The following IL20RB variants were observed in gnomAD, a reference collection of about 807,000 sequenced individuals.
IL20RB encodes the protein interleukin-20 receptor subunit beta.
A neutral mutation model predicts 33.3 loss-of-function variants in IL20RB; 21 were observed. The observed-to-expected ratio is 0.63, with a 90% confidence interval of 0.45 to 0.91. The LOEUF is 0.91. Among genes scored for constraint, IL20RB ranks in the 40% least tolerant of loss-of-function variants. IL20RB has a pLI of 0.00. For synonymous variants in IL20RB, 147 were observed against 146.8 expected (o/e 1.00, Z -0.01); for missense variants, 345 against 384.8 (o/e 0.90, Z 0.86).
rs1933077805 is a variant in IL20RB at position 137,010,782 on chromosome 3, T to C, written c.*559T>C. On this transcript the variant is annotated 3_prime_UTR_variant, in exon 7 of 7. Transcript: ENST00000329582. ...GAATCATGGGAGCAATGGTGTTGAGTTCACTTCAAGCCCAATGCCGGTGCA... is the reference window on the plus strand; with the variant it reads ...GAATCATGGGAGCAATGGTGTTGAGCTCACTTCAAGCCCAATGCCGGTGCA... 6.6e-6 allele frequency: 1 copy of C among 152,260 alleles called. No individual in the cohort carries two copies. Among genetic ancestry groups the C allele is most frequent in the African/African-American group, 2.4e-5 (1 of 41,382 alleles). The allele number at this position is 152,260 out of a possible 1,614,324, so 9.4% of individuals were successfully genotyped here.
At chr3:136,996,292 G>A (rs902737020) in intron 6 of IL20RB, among the ~76,000 whole-genome samples, 4 of 151,890 alleles carry the variant, frequency 2.6e-5, no homozygotes, top group South Asian at 2.1e-4. Flanking sequence ...GATGTTTCCC[G>A]CCAACCCCCA....
intron 1 of IL20RB, among the ~76,000 whole-genome samples, chr3:136,974,851 T>C (rs1187701252): frequency 6.6e-6 from 1 of 152,244 alleles, no homozygotes; most frequent in Non-Finnish European, 1.5e-5. Context: ...AAGACCTGTC[T>C]TCAAGTTCTG....
chr3:136,983,652 A>G (rs1481463296), intron 3 of IL20RB, among the ~76,000 whole-genome samples: 1 of 152,176 alleles, frequency 6.6e-6, no homozygotes, highest in Admixed American at 6.5e-5. Flanking sequence ...ATTGGTGAGA[A>G]CACCAGCTAA....
chr3:137,008,652 A>G (rs1053108953), intron 6 of IL20RB, among the ~76,000 whole-genome samples: 8 of 152,222 alleles, frequency 5.3e-5, no homozygotes, highest in African/African-American at 1.7e-4. Flanking sequence ...CACTAGTCAT[A>G]TCTGTTAGAC....
rs763416984 is a variant in IL20RB, at chr3:137,010,177, C to G, written c.890C>G (p.Thr297Arg). The G allele has an allele frequency of 1.4e-5, 22 of 1,607,774 alleles. No homozygotes were observed. Among genetic ancestry groups the G allele is most frequent in the Non-Finnish European group, 2.6e-6 (3 of 1,174,376 alleles). The change falls in exon 7 of 7, where the codon ACG (threonine) becomes AGG (arginine). Residue 297 changes from threonine to arginine, a missense_variant. By Grantham distance (71) the Thr-to-Arg change is moderately conservative. Coordinates refer to ENST00000329582, the MANE Select transcript of IL20RB (RefSeq NM_144717.4). ...AGGGAGGAGGTGGATGCCTGTGCCACGGCTGTGATGTCTCCTGAGGAACTC... is the reference window on the plus strand; with the variant it reads ...AGGGAGGAGGTGGATGCCTGTGCCAGGGCTGTGATGTCTCCTGAGGAACTC... The part of the protein sequence containing the change: ...CRREEVDACA[T>R]AVMSPEELLR...
chr3:136,987,122 C>T (rs1031771602), intron 3 of IL20RB, among the ~76,000 whole-genome samples: 97 of 152,040 alleles, frequency 6.4e-4, no homozygotes, highest in African/African-American at 2.3e-3. Context: ...TGGAAGGGGA[C>T]CCGAGCGGGT....
At chr3:136,960,038 C>T (rs546330482) in intron 1 of IL20RB, among the ~76,000 whole-genome samples, 1 of 151,458 alleles carries the variant, frequency 6.6e-6, no homozygotes, top group Non-Finnish European at 1.5e-5. Context: ...CAGTTTTGAC[C>T]ATTTCCTCTG....
intron 1 of IL20RB, among the ~76,000 whole-genome samples, chr3:136,958,914 T>G (rs1053072644): frequency 7.2e-6 from 1 of 138,450 alleles, no homozygotes; most frequent in African/African-American, 2.7e-5. Flanking sequence ...GAGTACTTTC[T>G]CTCTCTCTCT....
intron 3 of IL20RB, among the ~76,000 whole-genome samples, chr3:136,988,818 AC>A (rs1202698543): frequency 6.6e-6 from 1 of 152,106 alleles, no homozygotes; most frequent in Non-Finnish European, 1.5e-5. Flanking sequence ...AGAATGGCCA[AC>A]CCTATTCACA....
chr3:136,992,281 G>A (rs537371834), intron 5 of IL20RB, among the ~76,000 whole-genome samples, 193 bp downstream of exon 5: 1 of 152,326 alleles, frequency 6.6e-6, no homozygotes, highest in South Asian at 2.1e-4. Context: ...AGTCCACCCT[G>A]GGGCTGGGTG....
chr3:136,976,519 G>A (rs1211062185), intron 1 of IL20RB, among the ~76,000 whole-genome samples: 1 of 152,184 alleles, frequency 6.6e-6, no homozygotes, highest in African/African-American at 2.4e-5. Flanking sequence ...CTTGCTGCAG[G>A]AGTCCCCACC....
At chr3:136,983,033 C>A (rs1941818954) in intron 3 of IL20RB, among the ~76,000 whole-genome samples, 1 of 151,350 alleles carries the variant, frequency 6.6e-6, no homozygotes, top group African/African-American at 2.4e-5. Flanking sequence ...TGACACGAAG[C>A]TTGACCAAGT....
chr3:136,981,515 T>C (rs1941774736), intron 2 of IL20RB, among the ~76,000 whole-genome samples: 1 of 152,152 alleles, frequency 6.6e-6, no homozygotes, highest in African/African-American at 2.4e-5. Flanking sequence ...GAGGCTCCTT[T>C]ATATTAGATG....
At chr3:136,986,128 G>A (rs1197115340) in intron 3 of IL20RB, among the ~76,000 whole-genome samples, 2 of 152,048 alleles carry the variant, frequency 1.3e-5, no homozygotes, top group East Asian at 3.9e-4. Context: ...CAGGAGAATG[G>A]TGTGAACCTG....
intron 1 of IL20RB, among the ~76,000 whole-genome samples, chr3:136,978,097 A>T (rs1941672789): frequency 6.6e-6 from 1 of 150,734 alleles, no homozygotes; most frequent in Non-Finnish European, 1.5e-5. Context: ...TTTTTTGTAG[A>T]TGGTCTTTAT....
In IL20RB at chr3:136,958,249, G is replaced by A. The variant is rs771521396; in HGVS notation, c.88+48G>A. On this transcript the variant is annotated intron_variant, in intron 1 of 6. Coordinates refer to ENST00000329582, the MANE Select transcript of IL20RB (RefSeq NM_144717.4). ...CCAATAGTTTGGGCCTTGAATATAG[G>A]TTAAGAAGGCAAAAAATACTTTCCC... is the stretch of plus-strand genomic sequence containing the variant. 6 of 1,158,368 alleles carry A rather than the reference G, an allele frequency of 5.2e-6. No individual in the cohort carries two copies. In the South Asian group the frequency reaches 6.2e-5, roughly 12 times the overall value. 71.8% of individuals were successfully genotyped at this position (1,158,368 alleles called of 1,614,324 possible).
At chr3:136,970,402 C>T (rs1295364774) in intron 1 of IL20RB, among the ~76,000 whole-genome samples, 1 of 151,864 alleles carries the variant, frequency 6.6e-6, no homozygotes, top group East Asian at 1.9e-4. Context: ...GCCTAAAAGC[C>T]TATTGGATTT....
At chr3:137,004,620 A>G (rs1942315454) in intron 6 of IL20RB, among the ~76,000 whole-genome samples, 1 of 151,950 alleles carries the variant, frequency 6.6e-6, no homozygotes, top group African/African-American at 2.4e-5. Context: ...TATCCCCTTT[A>G]TCATTTTTTG....
intron 4 of IL20RB, among the ~76,000 whole-genome samples, chr3:136,991,015 C>G (rs1398723701): frequency 6.6e-6 from 1 of 152,204 alleles, no homozygotes; most frequent in Non-Finnish European, 1.5e-5. Context: ...GAGCATGTAC[C>G]CTGAGTCATC....
Sources: gnomAD v4.1 joint callset for allele counts (sites outside exome capture counted in the v4.1 genomes callset) on GRCh38, gnomAD v4.1.1 for gene constraint, MANE v1.5 for transcripts, NCBI Gene and HGNC (gene_info 2026-07-23, HGNC 2026-07-21) for gene names.